The following QSOX1 variants were observed in gnomAD, a reference collection of about 807,000 sequenced individuals.
QSOX1 encodes the protein quiescin sulfhydryl oxidase 1.
Under a neutral mutation model 76.1 loss-of-function variants are expected in QSOX1, and 40 were observed. The ratio of observed to expected loss-of-function variants is 0.53; its 90% CI spans 0.41 to 0.68. The LOEUF is 0.68. QSOX1 is among the 30% of genes least tolerant of loss of function. The pLI is 0.00. For missense variants in QSOX1, 931 were observed against 974.3 expected (o/e 0.96, Z 0.59); for synonymous variants, 392 against 413.1 (o/e 0.95, Z 0.62).
intron 10 of QSOX1, among the ~76,000 whole-genome samples, chr1:180,192,037 G>A (rs796170759): frequency 1.4e-4 from 21 of 152,210 alleles, no homozygotes; most frequent in African/African-American, 5.1e-4. Flanking sequence ...TATTGGATTA[G>A]GGCCCACCCT....
intron 5 of QSOX1, among the ~76,000 whole-genome samples, chr1:180,181,442 C>A (rs1472478637): frequency 6.6e-6 from 1 of 152,158 alleles, no homozygotes; most frequent in Non-Finnish European, 1.5e-5. Context: ...GTTTTCAGAT[C>A]TTCTTATAAC....
rs578258768 is a variant in QSOX1, at chr1:180,184,059, A to G, written c.887+9A>G. ...TGGAAATTGGCAGATCGGTAAGGCT[A>G]CGCCTGGTTCTCCTCACTTCTTCTC... is the stretch of plus-strand genomic sequence containing the variant. On this transcript the variant is annotated intron_variant, in intron 7 of 11. Coordinates refer to ENST00000367602, the MANE Select transcript of QSOX1 (RefSeq NM_002826.5). The G allele has an allele frequency of 9.3e-6, 15 of 1,613,970 alleles. No homozygotes were observed. The highest frequency in any genetic ancestry group is 5.3e-5 in the African/African-American group (4 of 75,064).
At chr1:180,191,457 T>C (rs1466332963) in intron 10 of QSOX1, among the ~76,000 whole-genome samples, 1 of 152,216 alleles carries the variant, frequency 6.6e-6, no homozygotes, top group African/African-American at 2.4e-5. Flanking sequence ...GCAGCCTGTG[T>C]GGAGCCCCGT....
At chr1:180,182,639 T>C (rs1224588375) in intron 6 of QSOX1, among the ~76,000 whole-genome samples, 1 of 152,138 alleles carries the variant, frequency 6.6e-6, no homozygotes, top group Non-Finnish European at 1.5e-5. Context: ...GGCAGACTCA[T>C]TGGCAGGCTA....
At chr1:180,179,380 G>A (rs1020150927) in intron 5 of QSOX1, among the ~76,000 whole-genome samples, 10 of 152,192 alleles carry the variant, frequency 6.6e-5, no homozygotes, top group African/African-American at 2.4e-4. Context: ...CCCAGATGCC[G>A]GTCTGTCTCA....
chr1:180,188,529 G>C (rs1663229493), intron 8 of QSOX1, among the ~76,000 whole-genome samples: 1 of 152,240 alleles, frequency 6.6e-6, no homozygotes, highest in Non-Finnish European at 1.5e-5. Flanking sequence ...ATTTGTGTGT[G>C]AGTTCCAGAG....
rs1171911485 is a variant in QSOX1 at position 180,200,309 on chromosome 1, C to T, written c.*3272C>T. 1 of 152,208 alleles carries T rather than the reference C, an allele frequency of 6.6e-6. No individual in the cohort carries two copies. The highest frequency in any genetic ancestry group is 2.4e-5 in the African/African-American group (1 of 41,426). The allele number at this position is 152,208 out of a possible 1,614,324, so 9.4% of individuals were successfully genotyped here. A position where few individuals can be genotyped will look rare whatever the true frequency, so the allele number is the denominator to read the frequency against. On this transcript the variant is annotated 3_prime_UTR_variant, in exon 12 of 12. Transcript: ENST00000367602. ...GCCCACTGCTCATGTCGTGTCGTCT[C>T]CTGTCTTGATACCTGAAAACTCAAG...
In QSOX1 at chr1:180,196,817, C is replaced by G; in HGVS notation, c.2024C>G (p.Ser675Cys). ...GAGGTCAGGCGCGTGGGCCGCAGCT[C>G]CAAGCAGCTGGTCGACATCCCTGAG... ...PLEVRRVGRS[S>C]KQLVDIPEGQ... Residue 675 changes from serine to cysteine, a missense_variant, in exon 12 of 12, where the codon TCC (serine) becomes TGC (cysteine). Coordinates refer to ENST00000367602, the MANE Select transcript of QSOX1 (RefSeq NM_002826.5). The surrounding 1 kb of genome is among the most constrained non-coding windows in gnomAD (Gnocchi z 4.1). 6.2e-7 allele frequency: 1 copy of G among 1,611,356 alleles called. No homozygotes were observed. The highest frequency in any genetic ancestry group is 8.5e-7 in the Non-Finnish European group (1 of 1,177,940).
chr1:180,197,238 C>G lies in QSOX1; in HGVS notation c.*201C>G. Reference sequence around the variant, plus strand: ...TTGACACAAAAGACAGGAGCAGGGTCCAGGTTCCCCTGCTGTGCAGGGAGG... The same window carrying G: ...TTGACACAAAAGACAGGAGCAGGGTGCAGGTTCCCCTGCTGTGCAGGGAGG... On this transcript the variant is annotated 3_prime_UTR_variant, in exon 12 of 12. Transcript: ENST00000367602. The G allele has an allele frequency of 1.3e-6, 2 of 1,598,244 alleles. No homozygotes were observed. The highest frequency in any genetic ancestry group is 1.7e-6 in the Non-Finnish European group (2 of 1,173,168).
chr1:180,198,189 C>G lies in QSOX1; in HGVS notation c.*1152C>G, dbSNP rs1369098445. The G allele has an allele frequency of 2.2e-6, 1 of 456,592 alleles. No individual in the cohort carries two copies. Among genetic ancestry groups the G allele is most frequent in the Non-Finnish European group, 4.4e-6 (1 of 226,972 alleles). 28.3% of individuals were successfully genotyped at this position (456,592 alleles called of 1,614,324 possible). A position where few individuals can be genotyped will look rare whatever the true frequency, so the allele number is the denominator to read the frequency against. On this transcript the variant is annotated 3_prime_UTR_variant, in exon 12 of 12. Transcript: ENST00000367602. ...GACTGCCCATAGAACTGTCTGCACC[C>G]AAACCCCATGGCCTTTTCATGCACG...
intron 2 of QSOX1, among the ~76,000 whole-genome samples, chr1:180,173,742 A>G (rs1662814960): frequency 6.6e-6 from 1 of 152,154 alleles, no homozygotes; most frequent in South Asian, 2.1e-4. Flanking sequence ...AAAAGGTATG[A>G]AGGAGGGAAG....
At position 180,198,946 on chromosome 1, in the gene QSOX1, C is replaced by G. The variant is rs749880097; in HGVS notation, c.*1909C>G. The G allele has an allele frequency of 6.3e-6, 1 of 159,644 alleles. No individual in the cohort carries two copies. Among genetic ancestry groups the G allele is most frequent in the African/African-American group, 2.4e-5 (1 of 41,526 alleles). 9.9% of individuals were successfully genotyped at this position (159,644 alleles called of 1,614,324 possible). On this transcript the variant is annotated 3_prime_UTR_variant, in exon 12 of 12. Transcript: ENST00000367602. Reference sequence around the variant, plus strand: ...GCCCAATGCCAAGTGCTGGGGATTTCTGTCAGCAAGCCCTGTGGCTCCAGT... The same window carrying G: ...GCCCAATGCCAAGTGCTGGGGATTTGTGTCAGCAAGCCCTGTGGCTCCAGT...
intron 10 of QSOX1, among the ~76,000 whole-genome samples, chr1:180,191,504 C>T (rs1166792507): frequency 6.6e-6 from 1 of 152,196 alleles, no homozygotes; most frequent in African/African-American, 2.4e-5. Context: ...TGTGGGAAGC[C>T]AGTGTGTATG....
At chr1:180,192,439 A>G (rs1353361218) in intron 10 of QSOX1, among the ~76,000 whole-genome samples, 1 of 152,218 alleles carries the variant, frequency 6.6e-6, no homozygotes, top group African/African-American at 2.4e-5. Context: ...AGGGGGAGGC[A>G]GGGCAGCTGA....
rs1296822033 is a variant in QSOX1 at position 180,194,240 on chromosome 1, T to C, written c.1316T>C (p.Ile439Thr). 2.5e-6 allele frequency: 4 copies of C among 1,612,924 alleles called. No homozygotes were observed. The highest frequency in any genetic ancestry group is 3.4e-6 in the Non-Finnish European group (4 of 1,179,504). ...AAKAKEVLPA[I>T]RGYVHYFFGC... The stretch of plus-strand genomic sequence containing the variant: ...AAGGCCAAGGAGGTCCTCCCAGCCA[T>C]CCGAGGCTACGTGCACTACTTCTTC... The change falls in exon 11 of 12, where the codon ATC becomes ACC. Residue 439 changes from isoleucine to threonine, a missense_variant. Physicochemically the swap from Ile to Thr is moderately conservative, Grantham distance 89. Coordinates refer to ENST00000367602, the MANE Select transcript of QSOX1 (RefSeq NM_002826.5).
rs914310935 is a variant in QSOX1, at chr1:180,166,430, A to G, written c.266-61A>G. On this transcript the variant is annotated intron_variant, in intron 1 of 11. Coordinates refer to ENST00000367602, the MANE Select transcript of QSOX1 (RefSeq NM_002826.5). ...GGGGTGAGGCATTGCATTAGGGGAG[A>G]TGGGCGGGCAGAGGGGGTACCAGCC... is the stretch of plus-strand genomic sequence containing the variant. The G allele has an allele frequency of 8.0e-6, 11 of 1,373,248 alleles. No individual in the cohort carries two copies. In the African/African-American group the frequency reaches 1.4e-4, roughly 18 times the overall value. 85.1% of individuals were successfully genotyped at this position (1,373,248 alleles called of 1,614,324 possible).
At position 180,197,445 on chromosome 1, in the gene QSOX1, G is replaced by A; in HGVS notation, c.*408G>A. ...GAGGGTCCCCCAGCTGGGTGGGCTG[G>A]AATGGAACTCCTCACTAGCTGCTGG... On this transcript the variant is annotated 3_prime_UTR_variant, in exon 12 of 12. Coordinates refer to ENST00000367602, the MANE Select transcript of QSOX1 (RefSeq NM_002826.5). 6.5e-7 allele frequency: 1 copy of A among 1,531,626 alleles called. No homozygotes were observed. The highest frequency in any genetic ancestry group is 1.1e-5 in the South Asian group (1 of 88,590). The allele number at this position is 1,531,626 out of a possible 1,614,324, so 94.9% of individuals were successfully genotyped here. A position where few individuals can be genotyped will look rare whatever the true frequency, so the allele number is the denominator to read the frequency against.
Position 180,203,377 on chromosome 1 carries a change from T to G in QSOX1, c.*6340T>G, listed in dbSNP as rs4652484. The G allele has an allele frequency of 2.0e-5, 3 of 152,048 alleles. No individual in the cohort carries two copies. The highest frequency in any genetic ancestry group is 7.3e-5 in the African/African-American group (3 of 41,354). The allele number at this position is 152,048 out of a possible 1,614,324, so 9.4% of individuals were successfully genotyped here. A position where few individuals can be genotyped will look rare whatever the true frequency, so the allele number is the denominator to read the frequency against. On this transcript the variant is annotated 3_prime_UTR_variant, in exon 12 of 12. Transcript: ENST00000367602. ...ATTAGGATGAACTTAAGTCAGGGCT[T>G]GGACTAGAGCAAGGCAAGTGAGGTG...
In QSOX1 at chr1:180,203,796, C is replaced by T. The variant is rs1480820313; in HGVS notation, c.*6759C>T. ...GTCAATAGATTCAGATAAGGCAATC[C>T]AGTTAAACTGTATATCCCACTTGCT... is the stretch of plus-strand genomic sequence containing the variant. On this transcript the variant is annotated 3_prime_UTR_variant, in exon 12 of 12. Transcript: ENST00000367602. The T allele has an allele frequency of 6.6e-6, 1 of 152,188 alleles. No individual in the cohort carries two copies. The highest frequency in any genetic ancestry group is 1.5e-5 in the Non-Finnish European group (1 of 68,028). 9.4% of individuals were successfully genotyped at this position (152,188 alleles called of 1,614,324 possible).
Sources: gnomAD v4.1 joint callset for allele counts (sites outside exome capture counted in the v4.1 genomes callset) on GRCh38, gnomAD v4.1.1 for gene constraint, Gnocchi (gnomAD v3.1) non-coding constraint, MANE v1.5 for transcripts, NCBI Gene and HGNC (gene_info 2026-07-23, HGNC 2026-07-21) for gene names.